Variants in METTL15 observed in about 807,000 individuals in gnomAD.
METTL15 encodes 12S rRNA N(4)-cytidine methyltransferase METTL15.
A neutral mutation model predicts 38.3 loss-of-function variants in METTL15; 34 were observed. The observed-to-expected ratio is 0.89, with a 90% CI of 0.68 to 1.18. METTL15 has a LOEUF of 1.18. Ranked by LOEUF, METTL15 falls within the 50% of genes most tolerant of loss-of-function variation. The probability of loss-of-function intolerance (pLI) is 0.00; values close to 1 mark genes in which losing one functional copy is unlikely to be tolerated. For synonymous variants in METTL15, 162 were observed against 170.9 expected, an observed-to-expected ratio of 0.95 and a Z score of 0.41; for missense variants, 438 against 498.4, an observed-to-expected ratio of 0.88 and a Z score of 1.15.
intron 3 of METTL15, among the ~76,000 whole-genome samples, chr11:28,149,754 C>A (rs1850014720): frequency 6.6e-6 from 1 of 151,386 alleles, no homozygotes; most frequent in South Asian, 2.1e-4. Context: ...TATCTGCTTC[C>A]CATAGAAATT....
At chr11:28,161,634 T>A (rs1850467468) in intron 3 of METTL15, among the ~76,000 whole-genome samples, 1 of 152,146 alleles carries the variant, frequency 6.6e-6, no homozygotes, top group Non-Finnish European at 1.5e-5. Context: ...GGCCTTATTT[T>A]AATTGTAATA....
At chr11:28,225,159 GATTTAGAT>G (rs1417296719) in intron 4 of METTL15, among the ~76,000 whole-genome samples, 10 of 151,364 alleles carry the variant, frequency 6.6e-5, no homozygotes, top group Non-Finnish European at 1.2e-4. Flanking sequence ...TCTATCTTGG[GATTTAGAT>G]ATTAGTGTCT....
Position 28,377,217 on chromosome 11 carries a change from A to T in METTL15, c.*358+15181A>T, listed in dbSNP as rs546429332. ...TCTGAACGTTGGCCTGCCTTGCTAG[A>T]TTGGGGAAGTTCTCCTGGATAATAT... On this transcript the variant is annotated intron_variant and NMD_transcript_variant, in intron 5 of 7. Coordinates refer to the METTL15 transcript ENST00000532947. 8.9e-4 allele frequency among the ~76,000 whole-genome samples: 132 copies of T among 148,802 alleles called. 1 individual carries two copies. Among genetic ancestry groups the T allele is most frequent in the African/African-American group, 2.8e-3 (116 of 40,808 alleles).
intron 6 of METTL15, among the ~76,000 whole-genome samples, chr11:28,502,791 G>C (rs1161517711): frequency 6.6e-6 from 1 of 152,082 alleles, no homozygotes; most frequent in Non-Finnish European, 1.5e-5. Context: ...GATGGAATTG[G>C]GGGACGTGAA....
chr11:28,287,298 A>G (rs1856318281), intron 4 of METTL15: 1 of 216,658 alleles, frequency 4.6e-6, no homozygotes, highest in Non-Finnish European at 9.6e-6. Context: ...GTGGTCCATG[A>G]GGCCGGCTGA....
chr11:28,425,188 T>A (rs895648191), intron 6 of METTL15, among the ~76,000 whole-genome samples: 4 of 152,184 alleles, frequency 2.6e-5, no homozygotes, highest in African/African-American at 7.2e-5. Flanking sequence ...GAGCAAGAAT[T>A]GGTTTTCTGT....
intron 4 of METTL15, among the ~76,000 whole-genome samples, chr11:28,260,669 G>C (rs2133939243): frequency 6.6e-6 from 1 of 152,266 alleles, no homozygotes; most frequent in East Asian, 1.9e-4. Context: ...GAAACTAAAA[G>C]TATTATAGAC....
intron 3 of METTL15, among the ~76,000 whole-genome samples, chr11:28,140,260 T>C (rs1288515554): frequency 6.6e-6 from 1 of 152,182 alleles, no homozygotes; most frequent in East Asian, 1.9e-4. Flanking sequence ...GCAACATCTT[T>C]AACATTATAA....
At chr11:28,398,230 A>T (rs1407079137) in intron 5 of METTL15, among the ~76,000 whole-genome samples, 9 of 152,066 alleles carry the variant, frequency 5.9e-5, no homozygotes, top group Admixed American at 5.9e-4. Context: ...AGAAAAATAA[A>T]AAAATTCAAA....
At chr11:28,302,603 T>C (rs1050455210) in intron 6 of METTL15, among the ~76,000 whole-genome samples, 20 of 152,160 alleles carry the variant, frequency 1.3e-4, no homozygotes, top group African/African-American at 4.8e-4. Flanking sequence ...CCTTCTGCCA[T>C]GATTGTGAGG....
chr11:28,399,370 G>A (rs960933777), intron 5 of METTL15, among the ~76,000 whole-genome samples: 3 of 151,836 alleles, frequency 2.0e-5, no homozygotes, highest in Middle Eastern at 3.2e-3. Context: ...CATGCATCAA[G>A]ACTAAGGGAA....
At chr11:28,439,072 C>T (rs1481121662) in intron 6 of METTL15, among the ~76,000 whole-genome samples, 1 of 151,570 alleles carries the variant, frequency 6.6e-6, no homozygotes, top group African/African-American at 2.4e-5. Context: ...GTGTAAGATC[C>T]AGCAGAGGCA....
chr11:28,167,911 G>C (rs942195444), intron 3 of METTL15, among the ~76,000 whole-genome samples: 1 of 151,906 alleles, frequency 6.6e-6, no homozygotes, highest in Admixed American at 6.6e-5. Flanking sequence ...AGCCTTTGAA[G>C]TGGTGGACAA....
At chr11:28,371,991 C>T (rs1381432758) in intron 5 of METTL15, among the ~76,000 whole-genome samples, 1 of 151,852 alleles carries the variant, frequency 6.6e-6, no homozygotes, top group Non-Finnish European at 1.5e-5. Flanking sequence ...CTTTCTCTCA[C>T]CTAACTTTTC....
intron 3 of METTL15, among the ~76,000 whole-genome samples, chr11:28,148,618 A>T (rs1208364216): frequency 2.0e-5 from 3 of 151,958 alleles, no homozygotes; most frequent in African/African-American, 7.2e-5. Flanking sequence ...TTTACAAGAG[A>T]ACTTGTCTAA....
intron 3 of METTL15, among the ~76,000 whole-genome samples, chr11:28,179,924 A>AT (rs1565146644): frequency 6.6e-6 from 1 of 151,786 alleles, no homozygotes; most frequent in African/African-American, 2.4e-5. Flanking sequence ...CATTGACAAT[A>AT]TTTTTTAATG....
chr11:28,303,022 G>T (rs942026665), intron 6 of METTL15, among the ~76,000 whole-genome samples: 4 of 152,080 alleles, frequency 2.6e-5, no homozygotes, highest in Non-Finnish European at 5.9e-5. Flanking sequence ...TTGATGTTTT[G>T]CATAGTCTTA....
At chr11:28,213,616 T>TAAA (rs530637462) in intron 4 of METTL15, among the ~76,000 whole-genome samples, 1 of 132,712 alleles carries the variant, frequency 7.5e-6, no homozygotes, top group Admixed American at 7.7e-5. Context: ...ATCTAATTCT[T>TAAA]AAAAAAAAAA....
chr11:28,196,984 AT>A, intron 3 of METTL15, among the ~76,000 whole-genome samples: 1 of 152,130 alleles, frequency 6.6e-6, no homozygotes, highest in African/African-American at 2.4e-5. Flanking sequence ...CTTTTAAAGT[AT>A]TAGTATCCGA....
Sources: gnomAD v4.1 joint callset for allele counts (sites outside exome capture counted in the v4.1 genomes callset) on GRCh38, gnomAD v4.1.1 for gene constraint, MANE v1.5 for transcripts, NCBI Gene and HGNC (gene_info 2026-07-23, HGNC 2026-07-21) for gene names.